The following KLHL4 variants were observed in gnomAD, a reference collection of about 807,000 sequenced individuals.
The protein encoded by KLHL4 is kelch like family member 4, also known as kelch-like protein 4.
A neutral mutation model predicts 45.8 loss-of-function variants in KLHL4; 17 were observed. The ratio of observed to expected loss-of-function variants is 0.37; its 90% CI spans 0.25 to 0.56. The LOEUF (loss-of-function observed/expected upper bound fraction) is 0.56. Ranked by LOEUF, KLHL4 falls within the 20% of genes least tolerant of loss-of-function variation. The pLI, the probability that KLHL4 is intolerant of heterozygous loss-of-function variation, is 0.79. For missense variants in KLHL4, 544 were observed against 544.9 expected (o/e 1.00, Z 0.02); for synonymous variants, 224 against 189.9 (o/e 1.18, Z -1.47).
At chrX:87,654,489 A>ATGTG (rs59086766) in intron 9 of KLHL4, among the ~76,000 whole-genome samples, 1 of 106,813 alleles carries the variant, frequency 9.4e-6, no homozygotes, top group Non-Finnish European at 1.9e-5. Context: ...GTGTATGTAT[A>ATGTG]TGTGTGTGTG....
chrX:87,585,576 T>G (rs188690491), intron 1 of KLHL4, among the ~76,000 whole-genome samples: 4 of 110,731 alleles, frequency 3.6e-5, no homozygotes, highest in Admixed American at 2.9e-4. Context: ...ATGATAGTAT[T>G]TGCACACCTC....
At chrX:87,617,075 C>T (rs1488928016) in intron 3 of KLHL4, among the ~76,000 whole-genome samples, 2 of 111,376 alleles carry the variant, frequency 1.8e-5, no homozygotes, top group Non-Finnish European at 3.8e-5. Flanking sequence ...CTCATAAAAT[C>T]GCAGAATTTT....
chrX:87,598,012 A>G (rs1238068733), intron 1 of KLHL4, among the ~76,000 whole-genome samples: 1 of 108,877 alleles, frequency 9.2e-6, no homozygotes, highest in Non-Finnish European at 1.9e-5. Context: ...TTCTTGTTTC[A>G]CTAATTGGTC....
chrX:87,521,111 G>A lies in KLHL4; in HGVS notation c.422+2796G>A, dbSNP rs148293522. 4.9e-3 allele frequency among the ~76,000 whole-genome samples: 551 copies of A among 111,642 alleles called. 2 individuals are homozygous for A. The highest frequency in any genetic ancestry group is 6.4e-3 in the Non-Finnish European group (339 of 53,120). On this transcript the variant is annotated intron_variant, in intron 1 of 10. Coordinates refer to ENST00000373119, the MANE Select transcript of KLHL4 (RefSeq NM_019117.5). ...TAATTCTAAGGAATTGTCAGGAATGGGGACCATGCCCTTATTTTACCTGTT... is the reference window on the plus strand; with the variant it reads ...TAATTCTAAGGAATTGTCAGGAATGAGGACCATGCCCTTATTTTACCTGTT...
At position 87,625,559 on chromosome X, in the gene KLHL4, C is replaced by A. The variant is rs1275234674; in HGVS notation, c.1138-51C>A. ...AAAGTTATATAAATACAAATACGTTCTTTCTAATGGTGAACTCTCCATTCA... is the reference window on the plus strand; with the variant it reads ...AAAGTTATATAAATACAAATACGTTATTTCTAATGGTGAACTCTCCATTCA... On this transcript the variant is annotated intron_variant, in intron 5 of 10. Transcript: ENST00000373119. The A allele has an allele frequency of 5.9e-6, 6 of 1,012,493 alleles. No individual in the cohort carries two copies. The Admixed American group carries it at 1.1e-4, about 19-fold the overall frequency. The allele number at this position is 1,012,493 out of a possible 1,213,427, so 83.4% of individuals were successfully genotyped here. A position where few individuals can be genotyped will look rare whatever the true frequency, so the allele number is the denominator to read the frequency against.
chrX:87,596,754 C>T (rs1205793917), intron 1 of KLHL4, among the ~76,000 whole-genome samples: 2 of 111,839 alleles, frequency 1.8e-5, no homozygotes, highest in African/African-American at 6.5e-5. Context: ...TAGGTTTTTG[C>T]AACTATCACT....
At chrX:87,630,678 G>A (rs1268614906) in intron 6 of KLHL4, among the ~76,000 whole-genome samples, 2 of 112,272 alleles carry the variant, frequency 1.8e-5, no homozygotes, top group African/African-American at 6.5e-5. Context: ...CATTATGGCA[G>A]TAGTGATAGT....
intron 1 of KLHL4, among the ~76,000 whole-genome samples, chrX:87,525,948 A>G (rs1030112466): frequency 1.8e-5 from 2 of 110,983 alleles, no homozygotes; most frequent in African/African-American, 6.6e-5. Flanking sequence ...CACATTGTCT[A>G]TTGCTCTTTC....
chrX:87,532,638 G>A (rs1931321633), intron 1 of KLHL4, among the ~76,000 whole-genome samples: 1 of 103,509 alleles, frequency 9.7e-6, no homozygotes, highest in South Asian at 4.8e-4. Context: ...TCTCCTTGAA[G>A]AGGTCCTTGA....
Position 87,654,075 on chromosome X carries a change from G to T in KLHL4, c.1926-10689G>T, listed in dbSNP as rs954764596. Reference sequence around the variant, plus strand: ...GGATTGATAGGTGCAGCAAACCACCGTGGCACAACTTTACCTATGTAACAA... The same window carrying T: ...GGATTGATAGGTGCAGCAAACCACCTTGGCACAACTTTACCTATGTAACAA... On this transcript the variant is annotated intron_variant, in intron 9 of 10. Transcript: ENST00000373119. 6.3e-5 allele frequency among the ~76,000 whole-genome samples: 7 copies of T among 110,914 alleles called. No individual in the cohort carries two copies. In the Admixed American group the frequency reaches 6.8e-4, roughly 11 times the overall value.
At chrX:87,520,093 G>A (rs1930971653) in intron 1 of KLHL4, among the ~76,000 whole-genome samples, 1 of 112,015 alleles carries the variant, frequency 8.9e-6, no homozygotes, top group Non-Finnish European at 1.9e-5. Context: ...TGGTTTTATA[G>A]GTGTGCCAAG....
At chrX:87,524,127 G>C (rs1213202887) in intron 1 of KLHL4, among the ~76,000 whole-genome samples, 1 of 110,733 alleles carries the variant, frequency 9.0e-6, no homozygotes, top group Non-Finnish European at 1.9e-5. Context: ...TTTCCAAAGG[G>C]TCGAGTACGG....
intron 1 of KLHL4, among the ~76,000 whole-genome samples, chrX:87,551,074 T>C (rs988497636): frequency 9.1e-6 from 1 of 110,115 alleles, no homozygotes; most frequent in African/African-American, 3.3e-5. Flanking sequence ...TGTCACTCTT[T>C]ACTGACGATA....
Position 87,614,468 on chromosome X carries a change from G to A in KLHL4, c.625G>A (p.Ala209Thr), listed in dbSNP as rs746409716. Reference protein sequence around the residue: ...VLSAVSDYFAAMFTNDVLEAK... With the variant: ...VLSAVSDYFATMFTNDVLEAK... ...CAGCGCAGTGTCTGATTATTTTGCT[G>A]CAATGTTTACTAATGATGTGCTTGA... The change falls in exon 3 of 11, where the codon GCA becomes ACA. Residue 209 changes from alanine (A) to threonine (T), a missense_variant. By Grantham distance (58) the Ala-to-Thr change is moderately conservative. Transcript: ENST00000373119. 2.8e-5 allele frequency: 34 copies of A among 1,206,186 alleles called. 1 individual carries two copies. In the South Asian group the frequency reaches 5.6e-4, roughly 20 times the overall value.
rs1013161155 is a variant in KLHL4, at chrX:87,613,951, A to T, written c.497A>T (p.Glu166Val). ...EEQFHVINHA[E>V]QTLRKMENYL... ...CAGTTCCATGTTATAAACCACGCAGAGCAAACTCTTCGTAAAATGGAGAAC... is the reference window on the plus strand; with the variant it reads ...CAGTTCCATGTTATAAACCACGCAGTGCAAACTCTTCGTAAAATGGAGAAC... Residue 166 changes from glutamate (E) to valine (V), a missense_variant, in exon 2 of 11, where the codon GAG becomes GTG. Physicochemically the swap from Glu to Val is moderately radical, Grantham distance 121. Coordinates refer to ENST00000373119, the MANE Select transcript of KLHL4 (RefSeq NM_019117.5). The T allele has an allele frequency of 5.8e-6, 7 of 1,205,583 alleles. No homozygotes were observed. Among genetic ancestry groups the T allele is most frequent in the Non-Finnish European group, 7.8e-6 (7 of 891,821 alleles).
chrX:87,617,717 C>T (rs141911484), intron 3 of KLHL4, among the ~76,000 whole-genome samples: 181 of 111,531 alleles, frequency 1.6e-3, no homozygotes, highest in African/African-American at 5.3e-3. Context: ...TTATTTGTTA[C>T]AGTCATTTTT....
chrX:87,600,942 A>G (rs1253670898), intron 1 of KLHL4, among the ~76,000 whole-genome samples: 1 of 111,974 alleles, frequency 8.9e-6, no homozygotes, highest in Non-Finnish European at 1.9e-5. Flanking sequence ...TATAGTGGTA[A>G]GAAACGTCTA....
At chrX:87,647,924 T>C (rs146006857) in intron 9 of KLHL4, among the ~76,000 whole-genome samples, 4,043 of 111,335 alleles carry the variant, frequency 0.036, 189 homozygotes, top group African/African-American at 0.13. Context: ...GAAATTAATC[T>C]GTAAAGAGAT....
At chrX:87,568,925 T>A (rs1353106261) in intron 1 of KLHL4, among the ~76,000 whole-genome samples, 1 of 111,710 alleles carries the variant, frequency 9.0e-6, no homozygotes, top group Non-Finnish European at 1.9e-5. Context: ...TTCACATTTT[T>A]AAAAATATGA....
Sources: allele counts gnomAD v4.1 joint callset (sites outside exome capture counted in the v4.1 genomes callset), GRCh38; gene constraint gnomAD v4.1.1; transcripts MANE v1.5; gene names NCBI Gene and HGNC (gene_info 2026-07-23, HGNC 2026-07-21).